Variants in CTTN observed in about 807,000 individuals in gnomAD.
CTTN encodes the protein cortactin.
In CTTN, 28 loss-of-function variants were observed where a neutral mutation model predicts 84.0. The ratio of observed to expected loss-of-function variants is 0.33; its 90% CI spans 0.25 to 0.46. The LOEUF is 0.46. Ranked by LOEUF, CTTN falls within the 20% of genes least tolerant of loss-of-function variation. The probability of loss-of-function intolerance (pLI) is 1.00; values close to 1 mark genes in which losing one functional copy is unlikely to be tolerated. For missense variants in CTTN, 641 were observed against 723.8 expected, an observed-to-expected ratio of 0.89 and a Z score of 1.31; for synonymous variants, 301 against 288.8, an observed-to-expected ratio of 1.04 and a Z score of -0.43.
At chr11:70,412,872 ACTTTG>A (rs1270469798) in intron 5 of CTTN, among the ~76,000 whole-genome samples, 1 of 152,240 alleles carries the variant, frequency 6.6e-6, no homozygotes, top group Admixed American at 6.5e-5. Flanking sequence ...AAAGCTGGAA[ACTTTG>A]CCTAGTTGTC....
chr11:70,429,216 G>C lies in CTTN; in HGVS notation c.1176+17G>C. On this transcript the variant is annotated intron_variant, in intron 14 of 17. Transcript: ENST00000301843. ...AAGCTGGAGGTGAGTGGCAAGGAGT[G>C]GGCCGCAGCGCACCCTCCCTGGGAC... is the stretch of plus-strand genomic sequence containing the variant. 6.2e-7 allele frequency: 1 copy of C among 1,605,226 alleles called. No homozygotes were observed. The highest frequency in any genetic ancestry group is 8.5e-7 in the Non-Finnish European group (1 of 1,176,210).
chr11:70,410,057 G>A (rs1296148835), intron 5 of CTTN, 97 bp downstream of exon 5: 1 of 1,357,996 alleles, frequency 7.4e-7, no homozygotes, highest in Non-Finnish European at 1.0e-6. Flanking sequence ...TAGATCAGCA[G>A]TTTTGAGTCC....
chr11:70,417,939 A>G (rs2058183087), intron 8 of CTTN, among the ~76,000 whole-genome samples: 1 of 152,190 alleles, frequency 6.6e-6, no homozygotes, highest in Non-Finnish European at 1.5e-5. Context: ...TTGTCCTTGG[A>G]GGCTGTGCTG....
chr11:70,435,678 A>C lies in CTTN; in HGVS notation c.*516A>C. 1 of 1,597,466 alleles carries C rather than the reference A, an allele frequency of 6.3e-7. No homozygotes were observed. ...GTTAACCCGGAGCTAAGTCACCCAG[A>C]GCACAGGAGCTGCCATGTCAGATGG... is the stretch of plus-strand genomic sequence containing the variant. On this transcript the variant is annotated 3_prime_UTR_variant, in exon 18 of 18. Transcript: ENST00000301843.
chr11:70,415,746 C>T (rs543609759), intron 7 of CTTN, 29 bp downstream of exon 7: 224 of 1,612,412 alleles, frequency 1.4e-4, no homozygotes, highest in Non-Finnish European at 1.8e-4. Context: ...AGAAAGAGCC[C>T]GCTCCGGGGG....
intron 7 of CTTN, 106 bp from the exon 8 acceptor site, chr11:70,416,907 A>ATGTGTT (rs1276597495): frequency 2.5e-6 from 2 of 789,886 alleles, no homozygotes; most frequent in Non-Finnish European, 4.6e-6. Flanking sequence ...TGTGCGCTTG[A>ATGTGTT]TGTGTTTGTG....
chr11:70,400,941 G>A (rs1162262556), intron 1 of CTTN, among the ~76,000 whole-genome samples: 3 of 152,176 alleles, frequency 2.0e-5, no homozygotes, highest in Non-Finnish European at 4.4e-5. Flanking sequence ...TGGTGATTTT[G>A]GCTACGCAAG....
At chr11:70,424,000 G>A (rs999827861) in intron 12 of CTTN, among the ~76,000 whole-genome samples, 3 of 152,154 alleles carry the variant, frequency 2.0e-5, no homozygotes, top group Non-Finnish European at 2.9e-5. Flanking sequence ...GCCAAGGGAC[G>A]CAGGGGAGGG....
intron 5 of CTTN, among the ~76,000 whole-genome samples, chr11:70,412,093 CGCTCA>C (rs1343537356): frequency 6.6e-6 from 1 of 152,152 alleles, no homozygotes; most frequent in Non-Finnish European, 1.5e-5. Context: ...GCCAGGTTAG[CGCTCA>C]GCTCAGGTCA....
At chr11:70,422,543 C>G (rs1342580787) in intron 11 of CTTN, 1 of 1,295,634 alleles carries the variant, frequency 7.7e-7, no homozygotes. Flanking sequence ...CTCTTTTTAG[C>G]GCTCAGTAGA....
intron 12 of CTTN, among the ~76,000 whole-genome samples, chr11:70,424,117 C>T (rs942972292): frequency 3.3e-5 from 5 of 151,960 alleles, no homozygotes; most frequent in African/African-American, 7.3e-5. Flanking sequence ...GGGCCGGGGC[C>T]GGGTCCGGGT....
At chr11:70,416,867 G>T (rs1477172903) in intron 7 of CTTN, 146 bp from the exon 8 acceptor site, 4 of 664,074 alleles carry the variant, frequency 6.0e-6, no homozygotes, top group African/African-American at 1.8e-5. Context: ...CCTGTATGGA[G>T]CAGTGGGTGG....
chr11:70,415,756 G>C (rs767267138), intron 7 of CTTN, 39 bp downstream of exon 7: 9 of 1,606,090 alleles, frequency 5.6e-6, no homozygotes, highest in Non-Finnish European at 7.7e-6. Flanking sequence ...CGCTCCGGGG[G>C]CCCCGATGGG....
intron 10 of CTTN, among the ~76,000 whole-genome samples, 187 bp from the exon 11 acceptor site, chr11:70,421,283 T>C (rs1200362721): frequency 1.3e-5 from 2 of 152,230 alleles, no homozygotes; most frequent in African/African-American, 2.4e-5. Context: ...AAGTTCATTC[T>C]TTAACGTTGA....
intron 2 of CTTN, among the ~76,000 whole-genome samples, chr11:70,405,646 G>A (rs1269341852): frequency 6.6e-6 from 1 of 152,182 alleles, no homozygotes; most frequent in Non-Finnish European, 1.5e-5. Flanking sequence ...ACATGGGTGG[G>A]GCCCCCAGGC....
Position 70,421,567 on chromosome 11 carries a change from C to G in CTTN, c.888C>G (p.His296Gln). Residue 296 changes from histidine (H) to glutamine (Q), a missense_variant, in exon 11 of 18, where the codon CAC (histidine) becomes CAG (glutamine). Physicochemically the swap from His to Gln is conservative, Grantham distance 24. Around this residue, in one of 3 missense-constraint regions of CTTN, gnomAD observed 289 missense variants for 273.1 expected, o/e 1.06. Transcript: ENST00000301843. The part of the protein sequence containing the change: ...GFDYKEKLAK[H>Q]ESQQDYSKGF... ...ATTACAAGGAGAAGCTGGCCAAGCA[C>G]GAGTCCCAGCAAGGCACAGTTGCCA... 2.5e-6 allele frequency: 4 copies of G among 1,613,712 alleles called. No homozygotes were observed. Among genetic ancestry groups the G allele is most frequent in the African/African-American group, 1.3e-5 (1 of 75,026 alleles).
intron 14 of CTTN, among the ~76,000 whole-genome samples, chr11:70,430,810 G>A (rs773613814): frequency 1.8e-4 from 28 of 152,222 alleles, no homozygotes; most frequent in Non-Finnish European, 3.1e-4. Flanking sequence ...GTGTGTGGGC[G>A]AGAATGAGCT....
rs113225165 is a variant in CTTN at position 70,432,651 on chromosome 11, C to T, written c.1267-450C>T. Among the ~76,000 whole-genome samples the T allele has an allele frequency of 3.5e-3, 536 of 152,348 alleles. 9 individuals carry two copies. The highest frequency in any genetic ancestry group is 0.012 in the African/African-American group (516 of 41,576). ...TGTAGGCTCAGCTGCTCTGGAGCCA[C>T]GTGGTGAAGCCGCTGTCAGGCAGGG... On this transcript the variant is annotated intron_variant, in intron 15 of 17. Coordinates refer to ENST00000301843, the MANE Select transcript of CTTN (RefSeq NM_005231.4).
intron 8 of CTTN, 125 bp from the exon 9 acceptor site, chr11:70,419,619 CTG>C: frequency 1.4e-6 from 1 of 692,912 alleles, no homozygotes. Flanking sequence ...TAAATACTGT[CTG>C]TATTATTCAG....
Sources: allele counts gnomAD v4.1 joint callset (sites outside exome capture counted in the v4.1 genomes callset), GRCh38; gene constraint gnomAD v4.1.1; regional missense constraint gnomAD v4.1.1; transcripts MANE v1.5; gene names NCBI Gene and HGNC (gene_info 2026-07-23, HGNC 2026-07-21).